Variants in KAZN observed in about 807,000 individuals in gnomAD.
KAZN encodes kazrin, periplakin interacting protein.
KAZN carries 40 observed loss-of-function variants against 87.4 expected under a neutral mutation model. The observed-to-expected ratio is 0.46, with a 90% CI of 0.36 to 0.60. The LOEUF (loss-of-function observed/expected upper bound fraction) is 0.60. Ranked by LOEUF, KAZN falls within the 20% of genes least tolerant of loss-of-function variation. The probability of loss-of-function intolerance (pLI) is 0.00; values close to 1 mark genes in which losing one functional copy is unlikely to be tolerated. For missense variants in KAZN, 898 were observed against 1,073.9 expected (o/e 0.84, Z 2.29); for synonymous variants, 466 against 458.3 (o/e 1.02, Z -0.22).
intron 1 of KAZN, among the ~76,000 whole-genome samples, chr1:13,961,624 G>A (rs12044299): frequency 0.068 from 10,354 of 152,206 alleles, 527 homozygotes; most frequent in East Asian, 0.29. Flanking sequence ...TCATGTTTGA[G>A]AGTCAAAGAT....
intron 1 of KAZN, among the ~76,000 whole-genome samples, chr1:14,660,756 C>T (rs570472051): frequency 6.6e-5 from 10 of 152,102 alleles, no homozygotes; most frequent in Non-Finnish European, 1.5e-4. Context: ...CACTCCACAG[C>T]GAAATAACCA....
intron 2 of KAZN, among the ~76,000 whole-genome samples, chr1:14,388,487 A>C (rs1009074524): frequency 6.6e-6 from 1 of 152,244 alleles, no homozygotes; most frequent in Non-Finnish European, 1.5e-5. Flanking sequence ...AAAACAGTAC[A>C]GTACTGGCAT....
At chr1:14,515,424 A>G (rs773373063) in intron 2 of KAZN, among the ~76,000 whole-genome samples, 5 of 152,220 alleles carry the variant, frequency 3.3e-5, no homozygotes, top group Non-Finnish European at 5.9e-5. Flanking sequence ...GGGCATGTTC[A>G]TGACATGGAA....
intron 2 of KAZN, among the ~76,000 whole-genome samples, chr1:14,323,462 G>C (rs7415786): frequency 0.11 from 16,631 of 152,082 alleles, 991 homozygotes; most frequent in East Asian, 0.23. Context: ...AGGCATGACA[G>C]TAAGCTCAAA....
At chr1:15,048,422 A>ATGTGTG (rs111596883) in intron 4 of KAZN, among the ~76,000 whole-genome samples, 29 of 150,820 alleles carry the variant, frequency 1.9e-4, no homozygotes, top group African/African-American at 6.3e-4. Context: ...ATGTGTGTGT[A>ATGTGTG]TGTGTGTGTG....
chr1:14,708,094 T>C (rs1156918260), intron 1 of KAZN, among the ~76,000 whole-genome samples: 2 of 152,208 alleles, frequency 1.3e-5, no homozygotes, highest in Non-Finnish European at 2.9e-5. Context: ...GCTCGGCTTT[T>C]GGATTTTCCT....
intron 1 of KAZN, among the ~76,000 whole-genome samples, chr1:13,917,797 CAAAA>C (rs35268955): frequency 1.3e-4 from 10 of 77,942 alleles, no homozygotes; most frequent in South Asian, 4.6e-4. Flanking sequence ...CCTGTGTCAT[CAAAA>C]AAAAAAAAAA....
chr1:14,502,553 G>A (rs1670316230), intron 2 of KAZN, among the ~76,000 whole-genome samples: 1 of 152,156 alleles, frequency 6.6e-6, no homozygotes, highest in Non-Finnish European at 1.5e-5. Flanking sequence ...CAGGTCTCCA[G>A]TAAACCCTAC....
At chr1:14,581,016 T>C (rs1675512656) in intron 2 of KAZN, among the ~76,000 whole-genome samples, 1 of 152,142 alleles carries the variant, frequency 6.6e-6, no homozygotes, top group Non-Finnish European at 1.5e-5. Flanking sequence ...ACTCAGTCCC[T>C]GGGCCTTTCC....
intron 3 of KAZN, among the ~76,000 whole-genome samples, chr1:15,041,829 C>T (rs1445707426): frequency 2.6e-5 from 4 of 152,234 alleles, no homozygotes; most frequent in Non-Finnish European, 5.9e-5. Context: ...GCCTCAGGTA[C>T]CAGCAGGGAT....
chr1:14,957,429 G>T (rs1009176267), intron 1 of KAZN, among the ~76,000 whole-genome samples: 1 of 152,200 alleles, frequency 6.6e-6, no homozygotes, highest in Non-Finnish European at 1.5e-5. Context: ...GATGTGTCGC[G>T]CAGTCACTGT....
At chr1:14,686,023 T>C (rs1221827054) in intron 1 of KAZN, among the ~76,000 whole-genome samples, 2 of 152,158 alleles carry the variant, frequency 1.3e-5, no homozygotes, top group Non-Finnish European at 2.9e-5. Flanking sequence ...AATGTCTTCC[T>C]CTTTTTGTCC....
At chr1:14,304,985 G>T in intron 2 of KAZN, among the ~76,000 whole-genome samples, 1 of 151,574 alleles carries the variant, frequency 6.6e-6, no homozygotes, top group South Asian at 2.1e-4. Context: ...TAGATCTATG[G>T]GCCTTTGAGA....
intron 1 of KAZN, among the ~76,000 whole-genome samples, chr1:14,713,775 CAAAAAAAAA>C (rs58947119): frequency 9.5e-5 from 9 of 94,636 alleles, no homozygotes; most frequent in Non-Finnish European, 1.7e-4. Flanking sequence ...CTCATCTCTA[CAAAAAAAAA>C]AAAAAAAAAA....
chr1:14,040,423 C>T (rs868139314), intron 1 of KAZN, among the ~76,000 whole-genome samples: 3 of 151,992 alleles, frequency 2.0e-5, no homozygotes, highest in Non-Finnish European at 2.9e-5. Context: ...CCATTAGACT[C>T]GAATAGGCTT....
chr1:14,744,370 C>T (rs1265801831), intron 1 of KAZN, among the ~76,000 whole-genome samples: 2 of 152,194 alleles, frequency 1.3e-5, no homozygotes, highest in South Asian at 2.1e-4. Context: ...TCCAGAATCA[C>T]ATGGCTAATC....
At chr1:14,902,487 C>CA (rs1656045326) in intron 1 of KAZN, among the ~76,000 whole-genome samples, 1 of 152,118 alleles carries the variant, frequency 6.6e-6, no homozygotes, top group Admixed American at 6.5e-5. Context: ...CTCGGCCTCC[C>CA]AAAGTGCTAG....
chr1:15,068,413 C>T (rs928389905), intron 8 of KAZN, among the ~76,000 whole-genome samples: 16 of 152,250 alleles, frequency 1.1e-4, no homozygotes, highest in Non-Finnish European at 1.5e-4. Context: ...GCACCACCCC[C>T]GACCTGGCAC....
At chr1:14,819,449 G>C (rs7412472) in intron 1 of KAZN, among the ~76,000 whole-genome samples, 55,343 of 152,012 alleles carry the variant, frequency 0.36, 11,449 homozygotes, top group African/African-American at 0.56. Context: ...GGTGAGGACC[G>C]TTGTTCTTAT....
Sources: allele counts gnomAD v4.1 joint callset (sites outside exome capture counted in the v4.1 genomes callset), GRCh38; gene constraint gnomAD v4.1.1; transcripts MANE v1.5; gene names NCBI Gene and HGNC (gene_info 2026-07-23, HGNC 2026-07-21).